Variants in CAMSAP3 observed in about 807,000 individuals in gnomAD.
CAMSAP3 encodes the protein calmodulin-regulated spectrin-associated protein 3.
In CAMSAP3, 34 loss-of-function variants were observed where a neutral mutation model predicts 112.5. The ratio of observed to expected loss-of-function variants is 0.30; its 90% CI spans 0.23 to 0.40. The LOEUF is 0.40. Among genes scored for constraint, CAMSAP3 ranks in the 10% least tolerant of loss-of-function variants. The pLI is 1.00. For synonymous variants in CAMSAP3, 868 were observed against 799.8 expected (o/e 1.09, Z -1.44); for missense variants, 1,602 against 1,770.3 (o/e 0.90, Z 1.71).
At position 7,615,650 on chromosome 19, in the gene CAMSAP3, G is replaced by A. The variant is rs879727564; in HGVS notation, c.3043G>A (p.Ala1015Thr). ...GGGTCCAGGTCGGGGCGGGCGGAGG[G>A]CCACCCGGCCTCGCTCGGGTTGCTG... ...SGGPGRGGRR[A>T]TRPRSGCCDD... Residue 1015 changes from alanine to threonine, a missense_variant, in exon 13 of 17, where the codon GCC (alanine) becomes ACC (threonine). Physicochemically the swap from Ala to Thr is moderately conservative, Grantham distance 58. Coordinates refer to ENST00000160298, the MANE Select transcript of CAMSAP3 (RefSeq NM_020902.2). This position sits in a 1 kb window ranked among gnomAD's most constrained non-coding sequence, Gnocchi z 6.5. 2.7e-5 allele frequency: 39 copies of A among 1,428,978 alleles called. No homozygotes were observed. Among genetic ancestry groups the A allele is most frequent in the Non-Finnish European group, 3.5e-5 (38 of 1,096,288 alleles). 88.5% of individuals were successfully genotyped at this position (1,428,978 alleles called of 1,614,324 possible). A position where few individuals can be genotyped will look rare whatever the true frequency, so the allele number is the denominator to read the frequency against.
In CAMSAP3 at chr19:7,606,653, G is replaced by T. The variant is rs2030242624; in HGVS notation, c.621+82G>T. ...AGGGCTGTGCTTCCTGGACACTCCT[G>T]AAGTGGGGAGGGGGCTAGAGGTGAC... is the stretch of plus-strand genomic sequence containing the variant. On this transcript the variant is annotated intron_variant, in intron 4 of 16. Transcript: ENST00000160298. The T allele has an allele frequency of 7.8e-6, 12 of 1,544,478 alleles. No individual in the cohort carries two copies. In the South Asian group the frequency reaches 1.0e-4, roughly 13 times the overall value.
At position 7,615,016 on chromosome 19, in the gene CAMSAP3, G is replaced by C; in HGVS notation, c.2671-167G>C. On this transcript the variant is annotated intron_variant, in intron 11 of 16. Transcript: ENST00000160298. This position sits in a 1 kb window ranked among gnomAD's most constrained non-coding sequence, Gnocchi z 6.5. ...TGTATCCCATCCCTGTTGTGTCCCA[G>C]TACTTAGTGTGGGGCTGTGCATACA... The C allele has an allele frequency of 1.3e-6, 1 of 761,794 alleles. No individual in the cohort carries two copies. Among genetic ancestry groups the C allele is most frequent in the Non-Finnish European group, 2.2e-6 (1 of 452,624 alleles). The allele number at this position is 761,794 out of a possible 1,614,324, so 47.2% of individuals were successfully genotyped here. A position where few individuals can be genotyped will look rare whatever the true frequency, so the allele number is the denominator to read the frequency against.
In CAMSAP3 at chr19:7,615,581, G is replaced by A. The variant is rs973266895; in HGVS notation, c.2974G>A (p.Asp992Asn). The change falls in exon 13 of 17, where the codon GAC becomes AAC. Residue 992 changes from aspartate to asparagine, a missense_variant. Physicochemically the swap from Asp to Asn is conservative, Grantham distance 23 (BLOSUM62 1). Coordinates refer to ENST00000160298, the MANE Select transcript of CAMSAP3 (RefSeq NM_020902.2). This position sits in a 1 kb window ranked among gnomAD's most constrained non-coding sequence, Gnocchi z 6.5. ...YERRAQLKLM[D>N]DLDKVLRPRA... ...GCGCCGGGCCCAGCTGAAGCTGATG[G>A]ACGACCTCGATAAGGTGCTGCGGCC... 4.6e-6 allele frequency: 7 copies of A among 1,505,652 alleles called. No homozygotes were observed. Among genetic ancestry groups the A allele is most frequent in the Non-Finnish European group, 5.3e-6 (6 of 1,127,524 alleles). 93.3% of individuals were successfully genotyped at this position (1,505,652 alleles called of 1,614,324 possible).
chr19:7,606,151 G>GGCCCCC, intron 2 of CAMSAP3, 120 bp from the exon 3 acceptor site: 1 of 151,396 alleles, frequency 6.6e-6, no homozygotes, highest in Non-Finnish European at 1.2e-5. Context: ...GCCCCCTCAA[G>GGCCCCC]CCCCACCCCC....
rs940764310 is a variant in CAMSAP3 at position 7,607,708 on chromosome 19, C to T, written c.622-418C>T. ...CGGCCAGAGCAGTCAGGGAGCTGGA[C>T]GGCCGGGGCTCAGGACCAGGGTCAG... On this transcript the variant is annotated intron_variant, in intron 4 of 16. Coordinates refer to ENST00000160298, the MANE Select transcript of CAMSAP3 (RefSeq NM_020902.2). This position sits in a 1 kb window ranked among gnomAD's most constrained non-coding sequence, Gnocchi z 4.9. 2.3e-5 allele frequency: 10 copies of T among 427,522 alleles called. No homozygotes were observed. The highest frequency in any genetic ancestry group is 4.2e-5 in the African/African-American group (2 of 47,536). 26.5% of individuals were successfully genotyped at this position (427,522 alleles called of 1,614,324 possible). A position where few individuals can be genotyped will look rare whatever the true frequency, so the allele number is the denominator to read the frequency against.
chr19:7,609,978 C>T (rs1014363947), intron 5 of CAMSAP3, among the ~76,000 whole-genome samples: 6 of 152,236 alleles, frequency 3.9e-5, no homozygotes, highest in Non-Finnish European at 5.9e-5. Context: ...TCCTGACAGG[C>T]CACGCCCCGG....
chr19:7,616,444 C>G, intron 13 of CAMSAP3, 79 bp from the exon 14 acceptor site: 1 of 1,017,818 alleles, frequency 9.8e-7, no homozygotes, highest in Non-Finnish European at 1.6e-6. Flanking sequence ...CTCCTGTGTT[C>G]CCCCCACAGC....
intron 1 of CAMSAP3, among the ~76,000 whole-genome samples, chr19:7,596,562 T>G (rs1455039172): frequency 2.0e-5 from 3 of 152,002 alleles, no homozygotes; most frequent in Non-Finnish European, 4.4e-5. Context: ...GGATCTCCTC[T>G]CGGTCTCTTC....
intron 1 of CAMSAP3, among the ~76,000 whole-genome samples, chr19:7,599,344 TCATC>T (rs2029863412): frequency 1.4e-5 from 1 of 72,828 alleles, no homozygotes; most frequent in African/African-American, 5.5e-5. Context: ...ACCCACGCAC[TCATC>T]CATCCACCCA....
chr19:7,615,345 C>A lies in CAMSAP3; in HGVS notation c.2810+23C>A. On this transcript the variant is annotated intron_variant, in intron 12 of 16. Coordinates refer to ENST00000160298, the MANE Select transcript of CAMSAP3 (RefSeq NM_020902.2). The surrounding 1 kb of genome is among the most constrained non-coding windows in gnomAD (Gnocchi z 6.5). ...GAGGTGAGGCCGGGCCTGCCCGGGACGCCCGCTCCTTGGCCTGTCTGCCAC... is the reference window on the plus strand; with the variant it reads ...GAGGTGAGGCCGGGCCTGCCCGGGAAGCCCGCTCCTTGGCCTGTCTGCCAC... The A allele has an allele frequency of 6.5e-7, 1 of 1,535,984 alleles. No homozygotes were observed. Among genetic ancestry groups the A allele is most frequent in the Non-Finnish European group, 8.8e-7 (1 of 1,137,934 alleles).
rs779991155 is a variant in CAMSAP3 at position 7,612,118 on chromosome 19, C to T, written c.1625C>T (p.Ala542Val). ...GTGGGGGAGGCATCGAAACCGCCAG[C>T]CCCATCCGAGGGGTCCCCGAAGGCG... Reference protein sequence around the residue: ...CLVGEASKPPAPSEGSPKAVA... With the variant: ...CLVGEASKPPVPSEGSPKAVA... Residue 542 changes from alanine to valine, a missense_variant, in exon 11 of 17, where the codon GCC (alanine) becomes GTC (valine). Around this residue, in one of 6 missense-constraint regions of CAMSAP3, gnomAD observed 1,100 missense variants for 1,135.7 expected, o/e 0.97. Coordinates refer to ENST00000160298, the MANE Select transcript of CAMSAP3 (RefSeq NM_020902.2). 6.2e-7 allele frequency: 1 copy of T among 1,612,426 alleles called. No individual in the cohort carries two copies. The highest frequency in any genetic ancestry group is 1.1e-5 in the South Asian group (1 of 91,058).
At chr19:7,605,169 T>TG in intron 1 of CAMSAP3, 57 bp from the exon 2 acceptor site, 1 of 1,173,262 alleles carries the variant, frequency 8.5e-7, no homozygotes, top group South Asian at 1.5e-5. Flanking sequence ...TGTGTGTGTG[T>TG]GTGTGTGTTG....
At chr19:7,613,866 T>A (rs1044645984) in intron 11 of CAMSAP3, among the ~76,000 whole-genome samples, 1 of 152,108 alleles carries the variant, frequency 6.6e-6, no homozygotes, top group Non-Finnish European at 1.5e-5. Flanking sequence ...CACCTAGGGT[T>A]ACCTGACTGG....
Position 7,618,102 on chromosome 19 carries a change from G to C in CAMSAP3, c.*45G>C. ...GGGCCGGGCCCTGTGTGCTGCGGCC[G>C]CCATCCCCTGGAGGACAGTCAGTCG... On this transcript the variant is annotated 3_prime_UTR_variant, in exon 17 of 17. Coordinates refer to ENST00000160298, the MANE Select transcript of CAMSAP3 (RefSeq NM_020902.2). 6.4e-7 allele frequency: 1 copy of C among 1,572,424 alleles called. No homozygotes were observed. The highest frequency in any genetic ancestry group is 1.1e-5 in the South Asian group (1 of 87,476).
In CAMSAP3 at chr19:7,608,233, C is replaced by T; in HGVS notation, c.729C>T (p.His243=). Residue 243 remains histidine (H), a synonymous_variant, in exon 5 of 17, where the codon CAC becomes CAT. Transcript: ENST00000160298. The part of the protein sequence containing the change: ...ASGAALAATI[H]CYCPQLLRLE... Reference sequence around the variant, plus strand: ...GGGCCGCGCTGGCCGCCACCATCCACTGCTATTGTCCCCAGCTGCTTCGAC... The same window carrying T: ...GGGCCGCGCTGGCCGCCACCATCCATTGCTATTGTCCCCAGCTGCTTCGAC... 1.4e-5 allele frequency: 22 copies of T among 1,612,820 alleles called. No individual in the cohort carries two copies. Among genetic ancestry groups the T allele is most frequent in the Non-Finnish European group, 1.7e-5 (20 of 1,179,804 alleles).
Position 7,618,024 on chromosome 19 carries a change from C to T in CAMSAP3, c.3717C>T (p.Thr1239=), listed in dbSNP as rs1294313590. The T allele has an allele frequency of 6.2e-7, 1 of 1,613,828 alleles. No individual in the cohort carries two copies. Among genetic ancestry groups the T allele is most frequent in the Non-Finnish European group, 8.5e-7 (1 of 1,179,956 alleles). The change falls in exon 17 of 17, where the codon ACC becomes ACT. Residue 1239 remains threonine (T), a synonymous_variant. Coordinates refer to ENST00000160298, the MANE Select transcript of CAMSAP3 (RefSeq NM_020902.2). The part of the protein sequence containing the change: ...QGHLWQGKKP[T]TPKKGGGTPK ...ACCTCTGGCAGGGCAAGAAACCCAC[C>T]ACTCCCAAGAAGGGCGGCGGCACCC...
At chr19:7,608,997 TA>T (rs1031711689) in intron 5 of CAMSAP3, among the ~76,000 whole-genome samples, 1 of 151,806 alleles carries the variant, frequency 6.6e-6, no homozygotes, top group Non-Finnish European at 1.5e-5. Context: ...AAGCTTTTTT[TA>T]AAAAAACTCT....
At chr19:7,601,756 T>TAAAA (rs1568439444) in intron 1 of CAMSAP3, among the ~76,000 whole-genome samples, 29 of 112,964 alleles carry the variant, frequency 2.6e-4, no homozygotes, top group Non-Finnish European at 3.8e-4. Context: ...ATAAAATAAA[T>TAAAA]GAATAAATAA....
chr19:7,603,359 C>G (rs141126772), intron 1 of CAMSAP3, among the ~76,000 whole-genome samples: 1 of 151,936 alleles, frequency 6.6e-6, no homozygotes, highest in Non-Finnish European at 1.5e-5. Context: ...GGATTATAGG[C>G]GTGTGCCACC....
Sources: gnomAD v4.1 joint callset for allele counts (sites outside exome capture counted in the v4.1 genomes callset) on GRCh38, gnomAD v4.1.1 for gene constraint, gnomAD v4.1.1 regional missense constraint, Gnocchi (gnomAD v3.1) non-coding constraint, MANE v1.5 for transcripts, NCBI Gene and HGNC (gene_info 2026-07-23, HGNC 2026-07-21) for gene names.